Variants in CNTNAP2 observed in about 807,000 individuals in gnomAD.
The protein encoded by CNTNAP2 is contactin associated protein 2.
A neutral mutation model predicts 155.2 loss-of-function variants in CNTNAP2; 98 were observed. The ratio of observed to expected loss-of-function variants is 0.63; its 90% confidence interval spans 0.54 to 0.75. The LOEUF (loss-of-function observed/expected upper bound fraction) is 0.75, where lower values mean the gene tolerates loss of function less well. Among genes scored for constraint, CNTNAP2 ranks in the 30% least tolerant of loss-of-function variants. The pLI is 0.00. For synonymous variants in CNTNAP2, 651 were observed against 631.2 expected (o/e 1.03, Z -0.47); for missense variants, 1,727 against 1,688.1 (o/e 1.02, Z -0.40).
At chr7:147,685,844 C>T (rs1431545064) in intron 13 of CNTNAP2, among the ~76,000 whole-genome samples, 1 of 151,800 alleles carries the variant, frequency 6.6e-6, no homozygotes, top group Non-Finnish European at 1.5e-5. Context: ...ATCATGCTAT[C>T]TGTGGGGAAG....
intron 2 of CNTNAP2, among the ~76,000 whole-genome samples, chr7:146,829,533 C>G (rs1803470628): frequency 6.6e-6 from 1 of 152,046 alleles, no homozygotes; most frequent in South Asian, 2.1e-4. Context: ...TATGAACAGA[C>G]AAATGCAACT....
At chr7:147,891,281 T>C (rs1259443699) in intron 13 of CNTNAP2, among the ~76,000 whole-genome samples, 3 of 151,998 alleles carry the variant, frequency 2.0e-5, no homozygotes, top group African/African-American at 4.8e-5. Context: ...CTTGGCTCAC[T>C]GCAACCTCTG....
intron 13 of CNTNAP2, among the ~76,000 whole-genome samples, chr7:147,871,823 A>C: frequency 6.6e-6 from 1 of 152,180 alleles, no homozygotes; most frequent in Middle Eastern, 3.2e-3. Context: ...CAATTTGCAC[A>C]GGCCAGCTCC....
At chr7:146,605,084 C>A (rs1190640085) in intron 1 of CNTNAP2, among the ~76,000 whole-genome samples, 4 of 115,158 alleles carry the variant, frequency 3.5e-5, no homozygotes, top group Non-Finnish European at 5.4e-5. Context: ...TAAAAAAAAA[C>A]AACAAAAAAA....
chr7:146,561,148 C>T (rs937890022), intron 1 of CNTNAP2, among the ~76,000 whole-genome samples: 2 of 152,160 alleles, frequency 1.3e-5, no homozygotes, highest in Non-Finnish European at 2.9e-5. Context: ...GTGCCTTCTA[C>T]ATTTCCCTTC....
intron 18 of CNTNAP2, among the ~76,000 whole-genome samples, chr7:148,181,741 C>CTTTTTTTTTTTTTTTTTTTTTTT (rs71527884): frequency 2.1e-5 from 1 of 48,646 alleles, no homozygotes; most frequent in Non-Finnish European, 3.4e-5. Context: ...AGTGTGTGCC[C>CTTTTTTTTTTTTTTTTTTTTTTT]TTTTTTTTTT....
At chr7:148,072,665 G>A (rs963011211) in intron 15 of CNTNAP2, among the ~76,000 whole-genome samples, 21 of 152,156 alleles carry the variant, frequency 1.4e-4, no homozygotes, top group African/African-American at 4.8e-4. Context: ...CTGACCCTCA[G>A]CACTAGTAAT....
At chr7:147,020,592 T>G (rs1442372832) in intron 3 of CNTNAP2, among the ~76,000 whole-genome samples, 1 of 152,184 alleles carries the variant, frequency 6.6e-6, no homozygotes, top group Admixed American at 6.5e-5. Flanking sequence ...AGTGCATTTG[T>G]TGTTATTCAT....
At chr7:147,962,370 A>G (rs1234273967) in intron 14 of CNTNAP2, among the ~76,000 whole-genome samples, 1 of 152,250 alleles carries the variant, frequency 6.6e-6, no homozygotes, top group Non-Finnish European at 1.5e-5. Flanking sequence ...GCTATGCAAG[A>G]GGCAGCCAAG....
At chr7:148,252,859 G>T (rs897264029) in intron 20 of CNTNAP2, among the ~76,000 whole-genome samples, 2 of 151,922 alleles carry the variant, frequency 1.3e-5, no homozygotes, top group Non-Finnish European at 2.9e-5. Context: ...CCCAAAACAG[G>T]GTCCAAGCTT....
At chr7:147,038,502 C>A (rs532975117) in intron 3 of CNTNAP2, among the ~76,000 whole-genome samples, 1 of 152,182 alleles carries the variant, frequency 6.6e-6, no homozygotes, top group African/African-American at 2.4e-5. Context: ...ATGATGTCAT[C>A]GCAGATGTGC....
intron 13 of CNTNAP2, among the ~76,000 whole-genome samples, chr7:147,896,335 C>A (rs897158699): frequency 6.6e-6 from 1 of 152,152 alleles, no homozygotes; most frequent in African/African-American, 2.4e-5. Context: ...CCACCGTAAC[C>A]GCCCAAGGAG....
chr7:147,425,827 A>G (rs1797369177), intron 10 of CNTNAP2, among the ~76,000 whole-genome samples: 1 of 152,102 alleles, frequency 6.6e-6, no homozygotes, highest in Admixed American at 6.6e-5. Context: ...TTTTGTTCTG[A>G]TTCTCAGTTT....
At chr7:147,218,597 G>A (rs369751256) in intron 8 of CNTNAP2, among the ~76,000 whole-genome samples, 9 of 150,524 alleles carry the variant, frequency 6.0e-5, no homozygotes, top group East Asian at 1.9e-4. Context: ...ATTTCATTCC[G>A]GACTATAAAG....
intron 1 of CNTNAP2, among the ~76,000 whole-genome samples, chr7:146,653,521 T>A (rs1309405064): frequency 6.6e-6 from 1 of 152,152 alleles, no homozygotes; most frequent in Admixed American, 6.6e-5. Context: ...ACATGTAAAC[T>A]ACTCTTTGAA....
chr7:146,151,698 GTATATATATA>G (rs371723238), intron 1 of CNTNAP2, among the ~76,000 whole-genome samples: 33,259 of 74,286 alleles, frequency 0.45, 6,337 homozygotes, highest in Middle Eastern at 0.53. Context: ...ATATATATAT[GTATATATATA>G]TATATGTATA....
chr7:146,194,676 C>T (rs1417795878), intron 1 of CNTNAP2, among the ~76,000 whole-genome samples: 1 of 152,176 alleles, frequency 6.6e-6, no homozygotes, highest in African/African-American at 2.4e-5. Flanking sequence ...TTTATCCATA[C>T]ACTAATGAGC....
chr7:146,318,797 T>C (rs1800952366), intron 1 of CNTNAP2, among the ~76,000 whole-genome samples: 4 of 152,142 alleles, frequency 2.6e-5, no homozygotes, highest in Admixed American at 2.6e-4. Context: ...TACTTAAATA[T>C]GTAAATTGTT....
At chr7:148,072,154 C>A (rs541754002) in intron 15 of CNTNAP2, among the ~76,000 whole-genome samples, 43 of 152,276 alleles carry the variant, frequency 2.8e-4, no homozygotes, top group African/African-American at 8.7e-4. Flanking sequence ...TCCCTCCTAC[C>A]TTTACCCCTG....
Sources: gnomAD v4.1 joint callset for allele counts (sites outside exome capture counted in the v4.1 genomes callset) on GRCh38, gnomAD v4.1.1 for gene constraint, MANE v1.5 for transcripts, NCBI Gene and HGNC (gene_info 2026-07-23, HGNC 2026-07-21) for gene names.